The following KCNQ3 variants were observed in gnomAD, a reference collection of about 807,000 sequenced individuals.
The protein encoded by KCNQ3 is potassium voltage-gated channel subfamily KQT member 3.
KCNQ3 carries 30 observed loss-of-function variants against 92.5 expected under a neutral mutation model. That is an observed-to-expected ratio of 0.32 (90% CI 0.24 to 0.44). KCNQ3 has a LOEUF of 0.44. KCNQ3 is among the 20% of genes least tolerant of loss of function. KCNQ3 has a pLI of 1.00. For synonymous variants in KCNQ3, 450 were observed against 468.8 expected, an observed-to-expected ratio of 0.96 and a Z score of 0.52; for missense variants, 913 against 1,140.3, an observed-to-expected ratio of 0.80 and a Z score of 2.87.
chr8:132,215,661 A>G (rs558192626), intron 1 of KCNQ3, among the ~76,000 whole-genome samples: 44 of 152,074 alleles, frequency 2.9e-4, no homozygotes, highest in Admixed American at 2.6e-4. Flanking sequence ...GAAGTAGACC[A>G]TGAGTTACTG....
intron 9 of KCNQ3, among the ~76,000 whole-genome samples, chr8:132,158,986 G>A (rs1586783403): frequency 6.6e-6 from 1 of 152,264 alleles, no homozygotes; most frequent in Non-Finnish European, 1.5e-5. Flanking sequence ...GATTGAATTG[G>A]TAGAAAATAC....
intron 7 of KCNQ3, among the ~76,000 whole-genome samples, chr8:132,170,876 G>C (rs1485104163): frequency 6.6e-6 from 1 of 151,564 alleles, no homozygotes; most frequent in Non-Finnish European, 1.5e-5. Context: ...GAACAAAGCT[G>C]GGCTTGGTGG....
intron 1 of KCNQ3, among the ~76,000 whole-genome samples, chr8:132,468,670 G>A (rs746639674): frequency 6.6e-5 from 10 of 152,328 alleles, no homozygotes; most frequent in East Asian, 1.9e-4. Flanking sequence ...TAATATGCTG[G>A]TTTTAAAGGG....
chr8:132,249,681 G>A (rs529325800), intron 1 of KCNQ3, among the ~76,000 whole-genome samples: 13 of 152,326 alleles, frequency 8.5e-5, no homozygotes, highest in South Asian at 8.3e-4. Context: ...TTGGGCAGTC[G>A]ACGGGACTGG....
At chr8:132,371,492 T>C (rs73345946) in intron 1 of KCNQ3, among the ~76,000 whole-genome samples, 2 of 152,148 alleles carry the variant, frequency 1.3e-5, no homozygotes, top group Non-Finnish European at 2.9e-5. Flanking sequence ...ACCTGCGTCA[T>C]CAAGGATGAG....
rs1001215147 is a variant in KCNQ3, at chr8:132,169,199, G to GC, written c.1235+1134dup. Among the ~76,000 whole-genome samples the GC allele has an allele frequency of 5.3e-5, 8 of 152,230 alleles. No homozygotes were observed. The East Asian group carries it at 7.7e-4, about 15-fold the overall frequency. ...GTGTGGACTCTGGGCCACTGGCTCA[G>GC]CCCCACCCCAGGGGCTCCTGTTCAG... On this transcript the variant is annotated intron_variant, in intron 8 of 14. Transcript: ENST00000388996.
At chr8:132,287,673 A>G (rs762991961) in intron 1 of KCNQ3, among the ~76,000 whole-genome samples, 12 of 152,228 alleles carry the variant, frequency 7.9e-5, no homozygotes, top group Non-Finnish European at 1.8e-4. Flanking sequence ...CTAAGTGACA[A>G]CCAAGACATA....
intron 1 of KCNQ3, among the ~76,000 whole-genome samples, chr8:132,365,193 C>T (rs2100646): frequency 0.31 from 47,412 of 152,064 alleles, 8,585 homozygotes; most frequent in East Asian, 0.49. Flanking sequence ...TAAAAAATCA[C>T]GTTGAACAAA....
chr8:132,154,193 GTTTTTTT>G (rs869112851), intron 9 of KCNQ3, among the ~76,000 whole-genome samples: 31 of 27,488 alleles, frequency 1.1e-3, no homozygotes, highest in South Asian at 9.3e-3. Flanking sequence ...AAGGGTAAAA[GTTTTTTT>G]TTTTTTTTTT....
rs1818815362 is a variant in KCNQ3 at position 132,350,146 on chromosome 8, GT to G, written c.386+130000del. 2.6e-5 allele frequency among the ~76,000 whole-genome samples: 4 copies of G among 152,328 alleles called. No homozygotes were observed. In the South Asian group the frequency reaches 8.3e-4, roughly 32 times the overall value. ...ACTTAGTGAGGTGAACACAAACATT[GT>G]TGGCAGTCCGGATACATCTTGCAGA... On this transcript the variant is annotated intron_variant, in intron 1 of 14. Coordinates refer to ENST00000388996, the MANE Select transcript of KCNQ3 (RefSeq NM_004519.4).
chr8:132,442,346 C>A (rs1279137342), intron 1 of KCNQ3, among the ~76,000 whole-genome samples: 2 of 152,112 alleles, frequency 1.3e-5, no homozygotes, highest in Non-Finnish European at 2.9e-5. Context: ...GCATTAGGCA[C>A]CTCTCCTCTG....
chr8:132,174,664 T>C (rs752117809), intron 5 of KCNQ3, among the ~76,000 whole-genome samples: 6 of 152,228 alleles, frequency 3.9e-5, no homozygotes, highest in Non-Finnish European at 7.3e-5. Flanking sequence ...TTTGTGAATA[T>C]ATGTGTGCTT....
chr8:132,341,247 C>G (rs1047935344), intron 1 of KCNQ3, among the ~76,000 whole-genome samples: 2 of 152,250 alleles, frequency 1.3e-5, no homozygotes, highest in African/African-American at 4.8e-5. Flanking sequence ...AGGCAGGAGT[C>G]ATTCACAAAC....
At chr8:132,395,648 A>C (rs72721049) in intron 1 of KCNQ3, among the ~76,000 whole-genome samples, 1 of 152,150 alleles carries the variant, frequency 6.6e-6, no homozygotes, top group Admixed American at 6.5e-5. Context: ...AGCATCTCCT[A>C]CTAAAGAGAT....
intron 1 of KCNQ3, among the ~76,000 whole-genome samples, chr8:132,343,437 A>C (rs1431553965): frequency 6.6e-6 from 1 of 152,200 alleles, no homozygotes; most frequent in Non-Finnish European, 1.5e-5. Flanking sequence ...AAGCTGGGGA[A>C]ATACCCAAGG....
chr8:132,362,613 C>T (rs1819202735), intron 1 of KCNQ3, among the ~76,000 whole-genome samples: 1 of 152,186 alleles, frequency 6.6e-6, no homozygotes, highest in South Asian at 2.1e-4. Flanking sequence ...TCAGAAGGCT[C>T]TGCTGAACGG....
At chr8:132,214,781 G>A (rs763700724) in intron 1 of KCNQ3, among the ~76,000 whole-genome samples, 2 of 152,266 alleles carry the variant, frequency 1.3e-5, no homozygotes, top group Non-Finnish European at 2.9e-5. Flanking sequence ...CAGGTGAGGA[G>A]ACTTAGACAG....
intron 1 of KCNQ3, among the ~76,000 whole-genome samples, chr8:132,277,696 G>A (rs963055544): frequency 2.6e-5 from 4 of 152,064 alleles, no homozygotes; most frequent in South Asian, 2.1e-4. Flanking sequence ...TCGCAGACTC[G>A]CAGATGCTGG....
At chr8:132,333,138 C>T (rs1416549647) in intron 1 of KCNQ3, among the ~76,000 whole-genome samples, 1 of 152,134 alleles carries the variant, frequency 6.6e-6, no homozygotes, top group African/African-American at 2.4e-5. Context: ...TGCTATCCTT[C>T]TGGGTATGTG....
Sources: allele counts gnomAD v4.1 joint callset (sites outside exome capture counted in the v4.1 genomes callset), GRCh38; gene constraint gnomAD v4.1.1; transcripts MANE v1.5; gene names NCBI Gene and HGNC (gene_info 2026-07-23, HGNC 2026-07-21).